Variants in NHSL1 observed in about 807,000 individuals in gnomAD.
NHSL1 encodes the protein NHS like 1.
NHSL1 carries 48 observed loss-of-function variants against 95.0 expected under a neutral mutation model. The ratio of observed to expected loss-of-function variants is 0.51; its 90% confidence interval spans 0.40 to 0.64. The LOEUF (loss-of-function observed/expected upper bound fraction) is 0.64. Among genes scored for constraint, NHSL1 ranks in the 30% least tolerant of loss-of-function variants. The pLI is 0.00. For missense variants in NHSL1, 1,971 were observed against 2,077.7 expected (o/e 0.95, Z 1.00); for synonymous variants, 783 against 833.9 (o/e 0.94, Z 1.05).
At chr6:138,467,776 T>C (rs1482719210) in intron 3 of NHSL1, among the ~76,000 whole-genome samples, 5 of 152,296 alleles carry the variant, frequency 3.3e-5, no homozygotes, top group Admixed American at 2.6e-4. Flanking sequence ...ATAAAGAAAA[T>C]ATCTTTGTAC....
At chr6:138,637,650 G>A (rs922688726) in intron 1 of NHSL1, among the ~76,000 whole-genome samples, 2 of 152,160 alleles carry the variant, frequency 1.3e-5, no homozygotes, top group Non-Finnish European at 2.9e-5. Context: ...CTGATCATCA[G>A]AGAACACCAA....
At chr6:138,462,834 T>G (rs1778087686) in intron 3 of NHSL1, among the ~76,000 whole-genome samples, 1 of 152,166 alleles carries the variant, frequency 6.6e-6, no homozygotes, top group Non-Finnish European at 1.5e-5. Flanking sequence ...TTGGGTTCTT[T>G]GCCAGGAAAG....
Position 138,673,805 on chromosome 6 carries a change from C to T in NHSL1, c.96+18671G>A, listed in dbSNP as rs1190519902. On this transcript the variant is annotated intron_variant, in intron 1 of 3. Coordinates refer to the NHSL1 transcript ENST00000491526. Reference sequence around the variant, plus strand: ...AGCTCAAGTCTGTCTTTTCTTTACACGATTAACATGATTTAAAAACATGTA... The same window carrying T: ...AGCTCAAGTCTGTCTTTTCTTTACATGATTAACATGATTTAAAAACATGTA... Among the ~76,000 whole-genome samples, 6 of 152,140 alleles carry T rather than the reference C, an allele frequency of 3.9e-5. No individual in the cohort carries two copies. In the East Asian group the frequency reaches 9.6e-4, roughly 24 times the overall value.
At position 138,582,668 on chromosome 6, in the gene NHSL1, C is replaced by A. The variant is rs552848563; in HGVS notation, c.97-86297G>T. 2.0e-5 allele frequency among the ~76,000 whole-genome samples: 3 copies of A among 152,334 alleles called. No individual in the cohort carries two copies. In the South Asian group the frequency reaches 6.2e-4, roughly 32 times the overall value. On this transcript the variant is annotated intron_variant, in intron 1 of 3. Coordinates refer to the NHSL1 transcript ENST00000491526. ...ACTGCCTGTGGGTGTCTCCCCTGGG[C>A]TACTGCCATGCCCTGGGAACTGGGT...
chr6:138,550,171 G>A (rs371528203), upstream of NHSL1, among the ~76,000 whole-genome samples: 5 of 152,048 alleles, frequency 3.3e-5, no homozygotes, highest in Admixed American at 1.3e-4. Context: ...CCTGGGAGGC[G>A]GAGGTTGCAG....
chr6:138,556,993 T>C (rs1404499096), intron 1 of NHSL1, among the ~76,000 whole-genome samples: 2 of 152,086 alleles, frequency 1.3e-5, no homozygotes, highest in Non-Finnish European at 2.9e-5. Context: ...TGGTTAATGG[T>C]GAAATCAAGG....
chr6:138,564,014 A>C (rs1783512150), intron 1 of NHSL1, among the ~76,000 whole-genome samples: 1 of 152,198 alleles, frequency 6.6e-6, no homozygotes, highest in African/African-American at 2.4e-5. Flanking sequence ...TTAATTCCAT[A>C]TCTCTGTTCA....
intron 1 of NHSL1, among the ~76,000 whole-genome samples, chr6:138,507,497 A>G (rs925928696): frequency 1.3e-5 from 2 of 152,214 alleles, no homozygotes; most frequent in Admixed American, 6.5e-5. Flanking sequence ...AACAAGCTAT[A>G]AAGTCTTTTA....
chr6:138,440,119 A>G (rs1776434400), intron 5 of NHSL1, among the ~76,000 whole-genome samples: 1 of 152,160 alleles, frequency 6.6e-6, no homozygotes, highest in Non-Finnish European at 1.5e-5. Flanking sequence ...TGATCTTACA[A>G]AGGGCCTAAA....
At position 138,430,853 on chromosome 6, in the gene NHSL1, A is replaced by C; in HGVS notation, c.3492T>G (p.Pro1164=). ...CTGCCTCCCCAGCGCTTGGAGCTCC[A>C]GGGCTGCGGCTCACAGGGCCACCAC... ...AERGGPVSRS[P]GAPSAGEAEA... The change falls in exon 6 of 8, where the codon CCT becomes CCG. Residue 1164 remains proline, a synonymous_variant. Coordinates refer to ENST00000343505, the MANE Select transcript of NHSL1 (RefSeq NM_001144060.2). The surrounding 1 kb of genome is among the most constrained non-coding windows in gnomAD (Gnocchi z 4.7). 6.4e-7 allele frequency: 1 copy of C among 1,550,992 alleles called. No individual in the cohort carries two copies. Among genetic ancestry groups the C allele is most frequent in the Non-Finnish European group, 8.7e-7 (1 of 1,146,806 alleles).
intron 5 of NHSL1, chr6:138,435,173 T>G (rs79957731): frequency 0.011 from 1,773 of 154,830 alleles, 32 homozygotes; most frequent in African/African-American, 0.04. Flanking sequence ...CATTTAGTAA[T>G]TTAGAAGATG....
At chr6:138,477,564 C>T (rs796547450) in intron 2 of NHSL1, among the ~76,000 whole-genome samples, 14 of 152,314 alleles carry the variant, frequency 9.2e-5, no homozygotes, top group African/African-American at 3.4e-4. Flanking sequence ...GATTGGGCTA[C>T]TGCACTCCAG....
chr6:138,529,559 C>T (rs763553074), intron 1 of NHSL1, among the ~76,000 whole-genome samples: 1 of 152,204 alleles, frequency 6.6e-6, no homozygotes, highest in Non-Finnish European at 1.5e-5. Context: ...GGGGGCCTTG[C>T]TTAGGGTCTC....
chr6:138,636,763 C>T (rs1014949027), intron 1 of NHSL1, among the ~76,000 whole-genome samples: 2 of 152,028 alleles, frequency 1.3e-5, no homozygotes, highest in African/African-American at 4.8e-5. Flanking sequence ...TTGAAGAGGA[C>T]ACCAAAAAAA....
intron 1 of NHSL1, among the ~76,000 whole-genome samples, chr6:138,642,836 G>A (rs758648192): frequency 6.6e-6 from 1 of 151,940 alleles, no homozygotes; most frequent in African/African-American, 2.4e-5. Context: ...TGGGTCGCTG[G>A]GGGGAGAAAA....
rs888043711 is a variant in NHSL1 at position 138,477,436 on chromosome 6, GA to G, written c.212-4004del. Among the ~76,000 whole-genome samples the G allele has an allele frequency of 1.8e-4, 27 of 152,084 alleles. No individual in the cohort carries two copies. The Middle Eastern group carries it at 0.01, about 57-fold the overall frequency. ...ACAACATAATGAGACCGCATTTCTAGAAAAAAATTCTTTTTAATTAGCCGGG... is the reference window on the plus strand; with the variant it reads ...ACAACATAATGAGACCGCATTTCTAGAAAAAATTCTTTTTAATTAGCCGGG... On this transcript the variant is annotated intron_variant, in intron 2 of 7. Coordinates refer to ENST00000343505, the MANE Select transcript of NHSL1 (RefSeq NM_001144060.2).
upstream of NHSL1, among the ~76,000 whole-genome samples, chr6:138,573,546 A>G (rs2114458143): frequency 6.6e-6 from 1 of 152,336 alleles, no homozygotes; most frequent in African/African-American, 2.4e-5. Flanking sequence ...AGGCTCTACA[A>G]GCTTACTGGG....
intron 1 of NHSL1, among the ~76,000 whole-genome samples, chr6:138,527,547 G>T (rs969717744): frequency 6.6e-6 from 1 of 152,082 alleles, no homozygotes; most frequent in Non-Finnish European, 1.5e-5. Flanking sequence ...GAGAGCAGCC[G>T]GATTACCAGT....
chr6:138,516,576 C>A (rs1329664194), intron 1 of NHSL1, among the ~76,000 whole-genome samples: 3 of 151,824 alleles, frequency 2.0e-5, no homozygotes, highest in African/African-American at 7.2e-5. Flanking sequence ...AATGGTTGAA[C>A]ATCAAAGTTG....
Sources: allele counts gnomAD v4.1 joint callset (sites outside exome capture counted in the v4.1 genomes callset), GRCh38; gene constraint gnomAD v4.1.1; non-coding constraint Gnocchi (gnomAD v3.1); transcripts MANE v1.5; gene names NCBI Gene and HGNC (gene_info 2026-07-23, HGNC 2026-07-21).